Variants in SORCS3 observed in about 807,000 individuals in gnomAD.
SORCS3 encodes VPS10 domain-containing receptor SorCS3.
In SORCS3, 57 loss-of-function variants were observed where a neutral mutation model predicts 146.3. The observed-to-expected ratio is 0.39, with a 90% CI of 0.31 to 0.49. The LOEUF (loss-of-function observed/expected upper bound fraction) is 0.49. SORCS3 is among the 20% of genes least tolerant of loss of function. The probability of loss-of-function intolerance (pLI) is 0.92; values close to 1 mark genes in which losing one functional copy is unlikely to be tolerated. For synonymous variants in SORCS3, 653 were observed against 618.5 expected (o/e 1.06, Z -0.83); for missense variants, 1,341 against 1,575.5 (o/e 0.85, Z 2.52).
intron 7 of SORCS3, among the ~76,000 whole-genome samples, chr10:105,120,995 C>T (rs540990281): frequency 6.6e-6 from 1 of 152,086 alleles, no homozygotes. Context: ...ATTCAGGATG[C>T]TTATATGGAG....
At chr10:104,969,340 T>TGTGTGTGTGC (rs398014705) in intron 3 of SORCS3, among the ~76,000 whole-genome samples, 144 of 112,412 alleles carry the variant, frequency 1.3e-3, no homozygotes, top group African/African-American at 2.9e-3. Flanking sequence ...TGTGTGTGTG[T>TGTGTGTGTGC]GCGCGCGCGC....
chr10:104,983,161 G>A (rs1037613822), intron 4 of SORCS3, among the ~76,000 whole-genome samples: 4 of 151,992 alleles, frequency 2.6e-5, no homozygotes, highest in Middle Eastern at 6.3e-3. Context: ...CACCAGACCC[G>A]GCTAATTTTT....
chr10:104,978,609 G>A (rs558332808), intron 4 of SORCS3, among the ~76,000 whole-genome samples: 2 of 152,148 alleles, frequency 1.3e-5, no homozygotes, highest in East Asian at 3.9e-4. Context: ...GATCAATCAT[G>A]GGATCTAATA....
chr10:104,842,843 G>C lies in SORCS3; in HGVS notation c.679G>C (p.Glu227Gln), dbSNP rs2018158223. ...LYDFNLGSVT[E>Q]SSLWRSTDYG... ...TGACTTCAACCTGGGCAGCGTGACT[G>C]AGAGTTCACTATGGAGGTAAGCAGA... Residue 227 changes from glutamate to glutamine, a missense_variant, in exon 2 of 27, where the codon GAG (glutamate) becomes CAG (glutamine). By Grantham distance (29) the Glu-to-Gln change is conservative (BLOSUM62 2). Coordinates refer to ENST00000369701, the MANE Select transcript of SORCS3 (RefSeq NM_014978.3). 6.2e-7 allele frequency: 1 copy of C among 1,613,784 alleles called. No individual in the cohort carries two copies. Among genetic ancestry groups the C allele is most frequent in the Non-Finnish European group, 8.5e-7 (1 of 1,179,834 alleles).
intron 7 of SORCS3, among the ~76,000 whole-genome samples, chr10:105,114,098 A>G (rs541176619): frequency 1.6e-4 from 25 of 152,152 alleles, no homozygotes; most frequent in Non-Finnish European, 3.5e-4. Flanking sequence ...TACCCTTGCT[A>G]CTAGGGAATG....
intron 3 of SORCS3, among the ~76,000 whole-genome samples, chr10:104,934,933 T>C (rs943683672): frequency 3.3e-5 from 5 of 152,158 alleles, no homozygotes; most frequent in African/African-American, 1.2e-4. Context: ...GCAGTTGGAG[T>C]TGAAGGACAC....
intron 4 of SORCS3, among the ~76,000 whole-genome samples, chr10:105,026,065 C>T (rs553779104): frequency 6.6e-6 from 1 of 152,234 alleles, no homozygotes; most frequent in East Asian, 1.9e-4. Context: ...CAAAAAATAT[C>T]CCGGATGCGA....
intron 1 of SORCS3, among the ~76,000 whole-genome samples, chr10:104,706,353 C>T (rs573935246): frequency 2.0e-5 from 3 of 151,476 alleles, no homozygotes; most frequent in East Asian, 1.9e-4. Flanking sequence ...GGACTACAGG[C>T]GTGCACCACC....
At chr10:104,759,142 T>C (rs2017092044) in intron 1 of SORCS3, among the ~76,000 whole-genome samples, 1 of 152,138 alleles carries the variant, frequency 6.6e-6, no homozygotes, top group African/African-American at 2.4e-5. Flanking sequence ...GAGGATGCCA[T>C]GTGAACATTA....
chr10:104,952,254 TGAAAAA>T (rs2019439517), intron 3 of SORCS3, among the ~76,000 whole-genome samples: 1 of 38,256 alleles, frequency 2.6e-5, no homozygotes, highest in African/African-American at 7.3e-5. Flanking sequence ...CATGAATGTT[TGAAAAA>T]AAAAAAAAAA....
At chr10:105,077,521 AAC>A (rs60182481) in intron 5 of SORCS3, among the ~76,000 whole-genome samples, 2,954 of 116,642 alleles carry the variant, frequency 0.025, 45 homozygotes, top group African/African-American at 0.049. Flanking sequence ...GACTAAATTA[AAC>A]ACACACACAC....
chr10:105,056,863 C>A (rs1488773574), intron 5 of SORCS3, among the ~76,000 whole-genome samples: 2 of 152,160 alleles, frequency 1.3e-5, no homozygotes, highest in Non-Finnish European at 2.9e-5. Context: ...TTCTTGCTCT[C>A]TTTTAAGTTT....
In SORCS3 at chr10:104,770,832, C is replaced by CA. The variant is rs775929182; in HGVS notation, c.628-71953dup. ...TGGGTGACAGGAAGAAGCCCCATCT[C>CA]AAAAAAACAAAACAAAGAAGAAATG... On this transcript the variant is annotated intron_variant, in intron 1 of 26. Transcript: ENST00000369701. 1.4e-4 allele frequency among the ~76,000 whole-genome samples: 21 copies of CA among 151,514 alleles called. No individual in the cohort carries two copies. The East Asian group carries it at 3.9e-3, about 28-fold the overall frequency.
intron 1 of SORCS3, among the ~76,000 whole-genome samples, chr10:104,704,065 C>T (rs2016309907): frequency 6.6e-6 from 1 of 151,910 alleles, no homozygotes; most frequent in South Asian, 2.1e-4. Flanking sequence ...TATCACTGAA[C>T]AGGAGGGAGA....
At chr10:104,950,039 T>A (rs1467522131) in intron 3 of SORCS3, among the ~76,000 whole-genome samples, 1 of 152,216 alleles carries the variant, frequency 6.6e-6, no homozygotes, top group East Asian at 1.9e-4. Context: ...GCAGCATTGA[T>A]CTGAGATGCA....
intron 1 of SORCS3, among the ~76,000 whole-genome samples, chr10:104,727,742 G>A (rs934730517): frequency 2.7e-4 from 41 of 152,058 alleles, no homozygotes; most frequent in African/African-American, 8.2e-4. Context: ...GTAGGTGAGC[G>A]GTGTGCAAGA....
chr10:104,826,248 T>C (rs1411777860), intron 1 of SORCS3, among the ~76,000 whole-genome samples: 1 of 152,212 alleles, frequency 6.6e-6, no homozygotes, highest in East Asian at 1.9e-4. Flanking sequence ...CCTCAGTAAA[T>C]GTTAGCATGC....
chr10:104,746,322 G>A (rs928391813), intron 1 of SORCS3, among the ~76,000 whole-genome samples: 1 of 152,020 alleles, frequency 6.6e-6, no homozygotes, highest in Non-Finnish European at 1.5e-5. Flanking sequence ...ATTTTTAGTA[G>A]AGACGGGGTT....
intron 20 of SORCS3, among the ~76,000 whole-genome samples, chr10:105,236,329 A>G (rs2056792805): frequency 6.6e-6 from 1 of 152,158 alleles, no homozygotes; most frequent in African/African-American, 2.4e-5. Context: ...CTTTAGCTGC[A>G]CTACTAGAGG....
Sources: gnomAD v4.1 joint callset for allele counts (sites outside exome capture counted in the v4.1 genomes callset) on GRCh38, gnomAD v4.1.1 for gene constraint, MANE v1.5 for transcripts, NCBI Gene and HGNC (gene_info 2026-07-23, HGNC 2026-07-21) for gene names.